DAP3: variants seen among roughly 807,000 people sequenced by gnomAD.
The protein encoded by DAP3 is death associated protein 3, also known as small ribosomal subunit protein mS29.
DAP3 carries 28 observed loss-of-function variants against 51.9 expected under a neutral mutation model. That is an observed-to-expected ratio of 0.54 (90% CI 0.40 to 0.74). DAP3 has a LOEUF of 0.74. Ranked by LOEUF, DAP3 falls within the 30% of genes least tolerant of loss-of-function variation. The pLI, the probability that DAP3 is intolerant of heterozygous loss-of-function variation, is 0.00. For synonymous variants in DAP3, 170 were observed against 170.3 expected, an observed-to-expected ratio of 1.00 and a Z score of 0.01; for missense variants, 458 against 483.5, an observed-to-expected ratio of 0.95 and a Z score of 0.49.
chr1:155,698,553 T>C (rs1654804606), intron 1 of DAP3, among the ~76,000 whole-genome samples: 1 of 152,176 alleles, frequency 6.6e-6, no homozygotes, highest in Non-Finnish European at 1.5e-5. Flanking sequence ...ATCATCTATC[T>C]GAAAAGCCTC....
At position 155,738,764 on chromosome 1, in the gene DAP3, G is replaced by A. The variant is rs917730368; in HGVS notation, c.*522G>A. ...AGGCGGGCAGACTGCTTGAGTTCAG[G>A]AGTTTGCAACCAGCCTGGGCAACAT... On this transcript the variant is annotated 3_prime_UTR_variant, in exon 13 of 13. Coordinates refer to ENST00000368336, the MANE Select transcript of DAP3 (RefSeq NM_004632.4). The A allele has an allele frequency of 1.3e-5, 2 of 152,348 alleles. No individual in the cohort carries two copies. The highest frequency in any genetic ancestry group is 2.9e-5 in the Non-Finnish European group (2 of 68,194). 9.4% of individuals were successfully genotyped at this position (152,348 alleles called of 1,614,324 possible).
intron 3 of DAP3, 126 bp downstream of exon 3, chr1:155,717,254 T>A: frequency 7.0e-7 from 1 of 1,431,248 alleles, no homozygotes; most frequent in South Asian, 1.4e-5. Flanking sequence ...ATAGTGCACC[T>A]GAGATAGCAC....
chr1:155,710,190 C>T (rs1656516135), intron 2 of DAP3: 3 of 166,282 alleles, frequency 1.8e-5, no homozygotes, highest in South Asian at 2.0e-4. Flanking sequence ...TGCTGGTTTA[C>T]TTCATTTTTT....
At chr1:155,737,188 TTC>T in intron 12 of DAP3, 125 bp downstream of exon 12, 1 of 729,310 alleles carries the variant, frequency 1.4e-6, no homozygotes, top group Non-Finnish European at 2.3e-6. Context: ...TTATCTTGAC[TTC>T]TTTCTGGCTG....
At chr1:155,711,541 C>A (rs1045553983) in intron 2 of DAP3, among the ~76,000 whole-genome samples, 1 of 151,116 alleles carries the variant, frequency 6.6e-6, no homozygotes, top group Non-Finnish European at 1.5e-5. Flanking sequence ...CAACAAAGAC[C>A]TGAGGCTAGA....
intron 9 of DAP3, among the ~76,000 whole-genome samples, chr1:155,730,462 A>G (rs1216869634): frequency 6.6e-6 from 1 of 151,838 alleles, no homozygotes; most frequent in East Asian, 1.9e-4. Context: ...AATATAAAAA[A>G]CTAGCTGGGC....
At chr1:155,709,892 T>C in intron 2 of DAP3, 68 bp downstream of exon 2, 1 of 1,478,560 alleles carries the variant, frequency 6.8e-7, no homozygotes, top group Non-Finnish European at 9.4e-7. Flanking sequence ...TGTTTTCAGA[T>C]GGATTCATTG....
chr1:155,697,239 T>G (rs1453785479), intron 1 of DAP3, among the ~76,000 whole-genome samples: 1 of 152,144 alleles, frequency 6.6e-6, no homozygotes, highest in Non-Finnish European at 1.5e-5. Flanking sequence ...AAGCTGAGTT[T>G]CAGGCTCCCT....
intron 11 of DAP3, among the ~76,000 whole-genome samples, chr1:155,732,893 G>A (rs745919352): frequency 6.6e-6 from 1 of 152,078 alleles, no homozygotes; most frequent in African/African-American, 2.4e-5. Flanking sequence ...GCGTCGTGGC[G>A]CGTGGCTGTA....
At chr1:155,716,132 T>A (rs1657304627) in intron 2 of DAP3, among the ~76,000 whole-genome samples, 1 of 152,216 alleles carries the variant, frequency 6.6e-6, no homozygotes, top group African/African-American at 2.4e-5. Context: ...TCCTGAATAA[T>A]CTCTGACAGA....
At chr1:155,718,580 G>A (rs370510747) in intron 3 of DAP3, among the ~76,000 whole-genome samples, 2 of 151,676 alleles carry the variant, frequency 1.3e-5, no homozygotes, top group Non-Finnish European at 2.9e-5. Context: ...CTAGCTACTC[G>A]GGAGACTGAG....
At chr1:155,710,496 C>G (rs552842588) in intron 2 of DAP3, 2 of 152,348 alleles carry the variant, frequency 1.3e-5, no homozygotes, top group Admixed American at 6.5e-5. Context: ...TCCCAAAGTG[C>G]TGGGATTACA....
At chr1:155,689,423 T>G (rs1319193058) in intron 1 of DAP3, 1 of 469,694 alleles carries the variant, frequency 2.1e-6, no homozygotes, top group African/African-American at 2.0e-5. Flanking sequence ...TGTTTGCCCT[T>G]GACGCACTTA....
intron 1 of DAP3, among the ~76,000 whole-genome samples, chr1:155,700,248 ATTG>A (rs1655013525): frequency 6.6e-6 from 1 of 152,148 alleles, no homozygotes; most frequent in Admixed American, 6.5e-5. Flanking sequence ...AGTTGACTTT[ATTG>A]TTAAGTTGTA....
chr1:155,726,113 C>CA, intron 6 of DAP3, 94 bp downstream of exon 6: 8 of 676,656 alleles, frequency 1.2e-5, no homozygotes, highest in Non-Finnish European at 1.7e-5. Flanking sequence ...CTTTTCTTTT[C>CA]TTTTTTTTTT....
chr1:155,709,699 T>C, intron 1 of DAP3, 74 bp from the exon 2 acceptor site: 2 of 1,281,246 alleles, frequency 1.6e-6, no homozygotes, highest in South Asian at 2.5e-5. Context: ...ATTAATCTAT[T>C]GTCAGTTTTC....
chr1:155,699,977 G>A (rs897104154), intron 1 of DAP3, among the ~76,000 whole-genome samples: 4 of 149,146 alleles, frequency 2.7e-5, no homozygotes, highest in South Asian at 2.2e-4. Context: ...TCGCTCTGTC[G>A]CCAGGCTGGA....
chr1:155,689,840 C>T (rs1486929285), intron 1 of DAP3, among the ~76,000 whole-genome samples: 2 of 152,026 alleles, frequency 1.3e-5, no homozygotes, highest in Non-Finnish European at 2.9e-5. Context: ...TGAACCCGGG[C>T]GGCGGAAGTT....
intron 1 of DAP3, among the ~76,000 whole-genome samples, chr1:155,691,266 G>C (rs1471592956): frequency 7.1e-6 from 1 of 141,738 alleles, no homozygotes; most frequent in African/African-American, 3.2e-5. Flanking sequence ...TCAGTAAGTT[G>C]CTTTCCATTC....
Sources: gnomAD v4.1 joint callset for allele counts (sites outside exome capture counted in the v4.1 genomes callset) on GRCh38, gnomAD v4.1.1 for gene constraint, MANE v1.5 for transcripts, NCBI Gene and HGNC (gene_info 2026-07-23, HGNC 2026-07-21) for gene names.